Variants in PRELID2 observed in about 807,000 individuals in gnomAD.
PRELID2 encodes the protein PRELI domain containing 2.
Under a neutral mutation model 28.4 loss-of-function variants are expected in PRELID2, and 25 were observed. That is an observed-to-expected ratio of 0.88 (90% CI 0.64 to 1.23). PRELID2 has a LOEUF of 1.23. Among genes scored for constraint, PRELID2 ranks in the 50% most tolerant of loss-of-function variants. The probability of loss-of-function intolerance (pLI) is 0.00; values close to 1 mark genes in which losing one functional copy is unlikely to be tolerated. For synonymous variants in PRELID2, 76 were observed against 71.6 expected, an observed-to-expected ratio of 1.06 and a Z score of -0.31; for missense variants, 201 against 214.4, an observed-to-expected ratio of 0.94 and a Z score of 0.39.
chr5:145,298,658 C>G, the PRELID2 span, among the ~76,000 whole-genome samples: 1 of 152,060 alleles, frequency 6.6e-6, no homozygotes, highest in South Asian at 2.1e-4. Flanking sequence ...AGGCTCTTGA[C>G]AAATGCCGGT....
chr5:145,464,603 C>G, the PRELID2 span, among the ~76,000 whole-genome samples: 1 of 152,084 alleles, frequency 6.6e-6, no homozygotes, highest in Admixed American at 6.6e-5. Context: ...CTTCTACAGA[C>G]CTTTTAATAT....
chr5:145,491,552 CACTT>C (rs1174820487), intron 1 of PRELID2, among the ~76,000 whole-genome samples: 8 of 152,088 alleles, frequency 5.3e-5, no homozygotes, highest in South Asian at 2.1e-4. Flanking sequence ...TTTGTGGTAA[CACTT>C]AACATACACT....
chr5:145,796,678 C>T, intron 4 of PRELID2, 131 bp from the exon 5 acceptor site: 2 of 443,518 alleles, frequency 4.5e-6, no homozygotes, highest in Non-Finnish European at 7.9e-6. Context: ...TCAATAACTA[C>T]CTATTATAAG....
chr5:145,363,564 G>A, the PRELID2 span, among the ~76,000 whole-genome samples: 1 of 151,992 alleles, frequency 6.6e-6, no homozygotes, highest in Non-Finnish European at 1.5e-5. Flanking sequence ...TTCCTTAAAT[G>A]TCTAATGTTT....
chr5:145,587,230 C>T (rs772015897), intron 1 of PRELID2, among the ~76,000 whole-genome samples: 6 of 152,080 alleles, frequency 3.9e-5, no homozygotes, highest in Non-Finnish European at 8.8e-5. Context: ...TCCCAGATGC[C>T]ATGGAGTTGG....
chr5:145,404,718 T>G, the PRELID2 span, among the ~76,000 whole-genome samples: 2 of 152,196 alleles, frequency 1.3e-5, no homozygotes, highest in African/African-American at 4.8e-5. Context: ...GGGTAGAAGG[T>G]GTCTATAATC....
chr5:145,628,907 A>AT (rs2149657139), intron 1 of PRELID2, among the ~76,000 whole-genome samples: 1 of 152,336 alleles, frequency 6.6e-6, no homozygotes, highest in East Asian at 1.9e-4. Flanking sequence ...AGAAAGCAAG[A>AT]TAAAAAATGC....
chr5:145,488,776 A>ATGGCCT (rs1443295893), intron 1 of PRELID2, among the ~76,000 whole-genome samples: 1 of 152,158 alleles, frequency 6.6e-6, no homozygotes, highest in Non-Finnish European at 1.5e-5. Context: ...AATCGAGTTC[A>ATGGCCT]TGGCCTCTTA....
At chr5:145,426,735 A>G in the PRELID2 span, among the ~76,000 whole-genome samples, 1 of 152,216 alleles carries the variant, frequency 6.6e-6, no homozygotes, top group African/African-American at 2.4e-5. Context: ...CCAAGATCAT[A>G]CAGCTACTAA....
chr5:145,569,134 GA>G (rs1284170235), intron 1 of PRELID2, among the ~76,000 whole-genome samples: 1 of 152,152 alleles, frequency 6.6e-6, no homozygotes, highest in Non-Finnish European at 1.5e-5. Context: ...AGTACAGACT[GA>G]AAAACTGTCA....
chr5:145,605,722 G>A (rs1469259792), intron 1 of PRELID2, among the ~76,000 whole-genome samples: 2 of 151,720 alleles, frequency 1.3e-5, no homozygotes, highest in Non-Finnish European at 2.9e-5. Flanking sequence ...CTAGAACCTT[G>A]AAAAATAATG....
chr5:145,524,050 G>A (rs1324497750), intron 1 of PRELID2, among the ~76,000 whole-genome samples: 1 of 152,052 alleles, frequency 6.6e-6, no homozygotes, highest in African/African-American at 2.4e-5. Flanking sequence ...CAGGGGTCAA[G>A]GAGCCACTGC....
intron 1 of PRELID2, among the ~76,000 whole-genome samples, chr5:145,473,879 C>T (rs1752076520): frequency 6.6e-6 from 1 of 152,142 alleles, no homozygotes. Flanking sequence ...ATATATACAA[C>T]AACAGTTTAC....
At chr5:145,734,436 CA>C (rs1448246953) in intron 1 of PRELID2, among the ~76,000 whole-genome samples, 2 of 152,142 alleles carry the variant, frequency 1.3e-5, no homozygotes, top group African/African-American at 2.4e-5. Context: ...GTGATTAAAT[CA>C]AATTATTATA....
chr5:145,308,429 C>T, the PRELID2 span, among the ~76,000 whole-genome samples: 1 of 152,172 alleles, frequency 6.6e-6, no homozygotes, highest in Non-Finnish European at 1.5e-5. Flanking sequence ...CCTATGCTTA[C>T]TTTTCAGTTT....
the PRELID2 span, among the ~76,000 whole-genome samples, chr5:145,352,461 A>T: frequency 2.0e-5 from 3 of 152,210 alleles, no homozygotes; most frequent in East Asian, 3.9e-4. Flanking sequence ...GACACAGGAC[A>T]CCATGTCCCG....
At chr5:145,348,995 A>G in the PRELID2 span, among the ~76,000 whole-genome samples, 2 of 152,158 alleles carry the variant, frequency 1.3e-5, no homozygotes, top group Non-Finnish European at 2.9e-5. Flanking sequence ...ATAGTATTTC[A>G]GATGACTGCA....
At chr5:145,741,970 A>G (rs1756810085) in intron 1 of PRELID2, among the ~76,000 whole-genome samples, 1 of 53,774 alleles carries the variant, frequency 1.9e-5, no homozygotes, top group Non-Finnish European at 3.8e-5. Flanking sequence ...AAATAAATAA[A>G]TTTATTTAAT....
At chr5:145,286,698 TTTTGTTTTTTTTTGTTTGTTTGTTTG>T in the PRELID2 span, among the ~76,000 whole-genome samples, 17 of 120,890 alleles carry the variant, frequency 1.4e-4, 1 homozygote, top group African/African-American at 6.5e-4. Context: ...ACATAGAAGT[TTTTGTTTTTTTTTGTTTGTTTGTTTG>T]TTTTTTTTTT....
Sources: gnomAD v4.1 joint callset for allele counts (sites outside exome capture counted in the v4.1 genomes callset) on GRCh38, gnomAD v4.1.1 for gene constraint, MANE v1.5 for transcripts, NCBI Gene and HGNC (gene_info 2026-07-23, HGNC 2026-07-21) for gene names.